The following LMNA variants were observed in gnomAD, a reference collection of about 807,000 sequenced individuals.
LMNA encodes lamin A/C, also known as lamin.
A neutral mutation model predicts 70.4 loss-of-function variants in LMNA; 20 were observed. The observed-to-expected ratio is 0.28, with a 90% confidence interval of 0.20 to 0.41. LMNA has a LOEUF of 0.41. Among genes scored for constraint, LMNA ranks in the 10% least tolerant of loss-of-function variants. LMNA has a pLI of 1.00. For missense variants in LMNA, 652 were observed against 917.2 expected (o/e 0.71, Z 3.73); for synonymous variants, 339 against 372.8 (o/e 0.91, Z 1.04).
intron 1 of LMNA, among the ~76,000 whole-genome samples, chr1:156,127,676 A>G (rs987111926): frequency 7.2e-6 from 1 of 139,646 alleles, no homozygotes; most frequent in Non-Finnish European, 1.5e-5. Context: ...ACACCACCGT[A>G]CCCAGCTAAA....
chr1:156,116,721 T>C (rs560817468), intron 1 of LMNA, among the ~76,000 whole-genome samples: 1 of 149,020 alleles, frequency 6.7e-6, no homozygotes, highest in African/African-American at 2.5e-5. Context: ...TGTGCCACCA[T>C]GCCGGGCTAA....
chr1:156,121,575 C>A (rs943649012), intron 1 of LMNA, among the ~76,000 whole-genome samples: 1 of 151,930 alleles, frequency 6.6e-6, no homozygotes, highest in African/African-American at 2.4e-5. Context: ...CCCAGTGATT[C>A]GGTAGCTTAG....
rs746914371 is a variant in LMNA at position 156,134,987 on chromosome 1, C to T, written c.810+12C>T. The T allele has an allele frequency of 8.7e-6, 14 of 1,614,092 alleles. No homozygotes were observed. Among genetic ancestry groups the T allele is most frequent in the South Asian group, 1.1e-5 (1 of 91,068 alleles). ...CTTATTCTGCCAAGGTGCTTGCTCT[C>T]GATTGGTTCCCTCACTGCCTCTGCC... is the stretch of plus-strand genomic sequence containing the variant. On this transcript the variant is annotated intron_variant, in intron 4 of 11. Transcript: ENST00000368300. This position sits in a 1 kb window ranked among gnomAD's most constrained non-coding sequence, Gnocchi z 5.3.
chr1:156,085,523 A>G (rs555117159), intron 2 of LMNA, among the ~76,000 whole-genome samples: 19 of 152,322 alleles, frequency 1.2e-4, no homozygotes, highest in African/African-American at 4.3e-4. Flanking sequence ...TTTGGAGGAC[A>G]GCACTATGTC....
rs953609411 is a variant in LMNA at position 156,136,014 on chromosome 1, A to G, written c.1050A>G (p.Ala350=). Reference sequence around the variant, plus strand: ...AGCGGGAGATGGCCGAGATGCGGGCAAGGATGCAGCAGCAGCTGGACGAGT... The same window carrying G: ...AGCGGGAGATGGCCGAGATGCGGGCGAGGATGCAGCAGCAGCTGGACGAGT... The part of the protein sequence containing the change: ...EKEREMAEMR[A]RMQQQLDEYQ... The change falls in exon 6 of 12, where the codon GCA becomes GCG. Residue 350 remains alanine (A), a synonymous_variant. Coordinates refer to ENST00000368300, the MANE Select transcript of LMNA (RefSeq NM_170707.4). This position sits in a 1 kb window ranked among gnomAD's most constrained non-coding sequence, Gnocchi z 6.1. 1 of 1,614,020 alleles carries G rather than the reference A, an allele frequency of 6.2e-7. No homozygotes were observed. Among genetic ancestry groups the G allele is most frequent in the Non-Finnish European group, 8.5e-7 (1 of 1,180,050 alleles).
At chr1:156,129,295 G>A (rs560377409) in intron 1 of LMNA, among the ~76,000 whole-genome samples, 6 of 152,208 alleles carry the variant, frequency 3.9e-5, no homozygotes, top group Non-Finnish European at 8.8e-5. Context: ...CCTGCCTGGT[G>A]GGGGGAGGTG....
Position 156,135,303 on chromosome 1 carries a change from C to T in LMNA, c.927C>T (p.Leu309=), listed in dbSNP as rs752558753. 4 of 1,613,292 alleles carry T rather than the reference C, an allele frequency of 2.5e-6. No homozygotes were observed. The highest frequency in any genetic ancestry group is 3.4e-6 in the Non-Finnish European group (4 of 1,179,910). The part of the protein sequence containing the change: ...IDSLSAQLSQ[L]QKQLAAKEAK... ...GCCTCTCTGCCCAGCTCAGCCAGCT[C>T]CAGAAGCAGGTGATACCCCACCTCA... The change falls in exon 5 of 12, where the codon CTC becomes CTT. Residue 309 remains leucine (L), a synonymous_variant. Transcript: ENST00000368300. The surrounding 1 kb of genome is among the most constrained non-coding windows in gnomAD (Gnocchi z 4.8).
upstream of LMNA, among the ~76,000 whole-genome samples, chr1:156,111,960 G>A (rs1190127581): frequency 6.6e-6 from 1 of 152,236 alleles, no homozygotes; most frequent in Non-Finnish European, 1.5e-5. Context: ...ATGACATCTG[G>A]AGTCCAGAGT....
intron 3 of LMNA, among the ~76,000 whole-genome samples, chr1:156,091,998 A>T (rs922473507): frequency 6.6e-6 from 1 of 151,616 alleles, no homozygotes; most frequent in African/African-American, 2.4e-5. Flanking sequence ...GCTCACTGCA[A>T]CCTCCGCCTC....
Position 156,137,102 on chromosome 1 carries a change from C to G in LMNA, c.1489-11C>G. The G allele has an allele frequency of 6.2e-7, 1 of 1,613,972 alleles. No homozygotes were observed. The highest frequency in any genetic ancestry group is 8.5e-7 in the Non-Finnish European group (1 of 1,179,934). On this transcript the variant is annotated splice_polypyrimidine_tract_variant and intron_variant, in intron 8 of 11. Coordinates refer to ENST00000368300, the MANE Select transcript of LMNA (RefSeq NM_170707.4). The surrounding 1 kb of genome is among the most constrained non-coding windows in gnomAD (Gnocchi z 4.6). Reference sequence around the variant, plus strand: ...GGAGCGCTGGGGTAAGTGTCCTTTTCTCCTCTCCAGATCTGGGCTGCAGGA... The same window carrying G: ...GGAGCGCTGGGGTAAGTGTCCTTTTGTCCTCTCCAGATCTGGGCTGCAGGA...
At chr1:156,098,264 G>A (rs2102796547) in intron 3 of LMNA, among the ~76,000 whole-genome samples, 1 of 152,290 alleles carries the variant, frequency 6.6e-6, no homozygotes, top group Admixed American at 6.5e-5. Context: ...TGAAAGCTGA[G>A]GCTCATAGAA....
At position 156,139,583 on chromosome 1, in the gene LMNA, G is replaced by C. The variant is rs955607154; in HGVS notation, c.*477G>C. The C allele has an allele frequency of 2.9e-6, 4 of 1,400,624 alleles. No individual in the cohort carries two copies. The highest frequency in any genetic ancestry group is 1.5e-5 in the African/African-American group (1 of 67,736). The allele number at this position is 1,400,624 out of a possible 1,614,324, so 86.8% of individuals were successfully genotyped here. ...CAGGCTCACTGCCAGGCCAGCCTCC[G>C]AGAGGGAGAGAGAGAGAGAGAGGAC... On this transcript the variant is annotated 3_prime_UTR_variant, in exon 12 of 12. Coordinates refer to ENST00000368300, the MANE Select transcript of LMNA (RefSeq NM_170707.4).
intron 3 of LMNA, among the ~76,000 whole-genome samples, chr1:156,095,125 C>T (rs1435174335): frequency 2.6e-5 from 4 of 152,056 alleles, no homozygotes; most frequent in African/African-American, 4.8e-5. Flanking sequence ...GATGTGGTTG[C>T]ACCATGTTGG....
intron 1 of LMNA, among the ~76,000 whole-genome samples, chr1:156,124,436 C>T (rs553475361): frequency 2.0e-5 from 3 of 152,176 alleles, no homozygotes; most frequent in Admixed American, 6.5e-5. Flanking sequence ...CTATAGGTGC[C>T]CGCCACCATG....
At chr1:156,117,867 A>T (rs1263899266) in intron 1 of LMNA, among the ~76,000 whole-genome samples, 2 of 150,946 alleles carry the variant, frequency 1.3e-5, no homozygotes, top group Admixed American at 1.3e-4. Context: ...TGGTACAATC[A>T]TAACTTGCTG....
intron 1 of LMNA, chr1:156,126,848 A>T (rs1370986304): frequency 6.2e-7 from 1 of 1,612,130 alleles, no homozygotes; most frequent in Non-Finnish European, 8.5e-7. Context: ...TGCAAGGGAA[A>T]GGACTGGCAC....
Position 156,135,402 on chromosome 1 carries a change from T to TG in LMNA, c.936+93dup. 1.9e-6 allele frequency: 1 copy of TG among 530,760 alleles called. No homozygotes were observed. The highest frequency in any genetic ancestry group is 3.5e-6 in the Non-Finnish European group (1 of 288,838). The allele number at this position is 530,760 out of a possible 1,614,324, so 32.9% of individuals were successfully genotyped here. A position where few individuals can be genotyped will look rare whatever the true frequency, so the allele number is the denominator to read the frequency against. ...CCAGGGTTGGGGGTGGGGGTGGGGGTGGGAGGTTCCTGAGGAGGAGAGGGA... is the reference window on the plus strand; with the variant it reads ...CCAGGGTTGGGGGTGGGGGTGGGGGTGGGGAGGTTCCTGAGGAGGAGAGGGA... On this transcript the variant is annotated intron_variant, in intron 5 of 11. Transcript: ENST00000368300. The surrounding 1 kb of genome is among the most constrained non-coding windows in gnomAD (Gnocchi z 4.8).
rs2485675 is a variant in LMNA at position 156,125,857 on chromosome 1, T to C, written c.357-4760T>C. Among the ~76,000 whole-genome samples the C allele has an allele frequency of 0.1, 15,801 of 151,234 alleles. 1,504 individuals are homozygous for C. The highest frequency in any genetic ancestry group is 0.25 in the African/African-American group (10,376 of 41,142). On this transcript the variant is annotated intron_variant, in intron 1 of 11. Coordinates refer to ENST00000368300, the MANE Select transcript of LMNA (RefSeq NM_170707.4). ...TAGAAAAATTAGCTAGGCATGGTGG[T>C]GCAGGCCTGTAATCCAGCTACTCGG...
chr1:156,109,835 T>TAC (rs143235574), upstream of LMNA: 6 of 131,236 alleles, frequency 4.6e-5, no homozygotes, highest in Admixed American at 7.4e-5. Flanking sequence ...TATATATATA[T>TAC]ACACACACAC....
Sources: gnomAD v4.1 joint callset for allele counts (sites outside exome capture counted in the v4.1 genomes callset) on GRCh38, gnomAD v4.1.1 for gene constraint, Gnocchi (gnomAD v3.1) non-coding constraint, MANE v1.5 for transcripts, NCBI Gene and HGNC (gene_info 2026-07-23, HGNC 2026-07-21) for gene names.